The following DNAH10 variants were observed in gnomAD, a reference collection of about 807,000 sequenced individuals.
DNAH10 encodes the protein dynein axonemal heavy chain 10.
Under a neutral mutation model 506.6 loss-of-function variants are expected in DNAH10, and 348 were observed. The ratio of observed to expected loss-of-function variants is 0.69; its 90% CI spans 0.63 to 0.75. The LOEUF (loss-of-function observed/expected upper bound fraction) is 0.75. Among genes scored for constraint, DNAH10 ranks in the 30% least tolerant of loss-of-function variants. The pLI, the probability that DNAH10 is intolerant of heterozygous loss-of-function variation, is 0.00. For missense variants in DNAH10, 5,179 were observed against 5,787.1 expected (o/e 0.89, Z 3.41); for synonymous variants, 2,059 against 2,198.6 (o/e 0.94, Z 1.78).
rs148844278 is a variant in DNAH10 at position 123,881,722 on chromosome 12, G to A, written c.8732G>A (p.Arg2911His). Residue 2911 changes from arginine (R) to histidine (H), a missense_variant, in exon 51 of 79, where the codon CGC (arginine) becomes CAC (histidine). Around this residue, in one of 3 missense-constraint regions of DNAH10, gnomAD observed 4,844 missense variants for 5,430.5 expected, o/e 0.89. Transcript: ENST00000673944. ...TTAACCCGGGTGCACCGTATCATCC[G>A]CATGGACCGCGGCCACGCCCTGCTG... is the stretch of plus-strand genomic sequence containing the variant. Reference protein sequence around the residue: ...EHLTRVHRIIRMDRGHALLVG... With the variant: ...EHLTRVHRIIHMDRGHALLVG... 4.7e-4 allele frequency: 731 copies of A among 1,548,612 alleles called. 5 individuals carry two copies. The East Asian group carries it at 0.016, about 33-fold the overall frequency.
chr12:123,897,771 G>C lies in DNAH10; in HGVS notation c.9282G>C (p.Gly3094=). Reference sequence around the variant, plus strand: ...CATTTTTTATTCCTTCCTCTTCAGGGTATAATCCAATGATCCCGGCAGAAA... The same window carrying C: ...CATTTTTTATTCCTTCCTCTTCAGGCTATAATCCAATGATCCCGGCAGAAA... ...ALHAVAKSFL[G]YNPMIPAENI... is the part of the protein sequence containing the mutation. Residue 3094 remains glycine (G), a splice_region_variant and synonymous_variant, in exon 55 of 79, where the codon GGG becomes GGC. Coordinates refer to ENST00000673944, the MANE Select transcript of DNAH10 (RefSeq NM_001372106.1). 1 of 1,606,306 alleles carries C rather than the reference G, an allele frequency of 6.2e-7. No homozygotes were observed. Among genetic ancestry groups the C allele is most frequent in the Non-Finnish European group, 8.5e-7 (1 of 1,178,122 alleles).
chr12:123,905,944 G>C (rs934012455), intron 57 of DNAH10, among the ~76,000 whole-genome samples: 1 of 151,654 alleles, frequency 6.6e-6, no homozygotes, highest in Non-Finnish European at 1.5e-5. Context: ...TTGAGACAGA[G>C]TCTTGCTCAG....
chr12:123,800,785 G>A (rs1165095569), intron 15 of DNAH10, among the ~76,000 whole-genome samples: 3 of 152,092 alleles, frequency 2.0e-5, no homozygotes, highest in Admixed American at 6.5e-5. Context: ...TTGGGAGGCC[G>A]AGGCGGGCAG....
Position 123,785,838 on chromosome 12 carries a change from C to G in DNAH10, c.1323C>G (p.His441Gln). ...ALRMVWIISR[H>Q]YNKDERMIPL... ...GGATGGTGTGGATCATCTCCCGACA[C>G]TACAACAAAGACGAGAGGATGATTC... Residue 441 changes from histidine to glutamine, a missense_variant, in exon 9 of 79, where the codon CAC becomes CAG. Around this residue, in one of 3 missense-constraint regions of DNAH10, gnomAD observed 4,844 missense variants for 5,430.5 expected, o/e 0.89. Coordinates refer to ENST00000673944, the MANE Select transcript of DNAH10 (RefSeq NM_001372106.1). The surrounding 1 kb of genome is among the most constrained non-coding windows in gnomAD (Gnocchi z 4.1). The G allele has an allele frequency of 6.2e-7, 1 of 1,614,150 alleles. No homozygotes were observed. Among genetic ancestry groups the G allele is most frequent in the African/African-American group, 1.3e-5 (1 of 75,014 alleles).
At chr12:123,891,387 G>A (rs997882192) in intron 52 of DNAH10, among the ~76,000 whole-genome samples, 4 of 152,228 alleles carry the variant, frequency 2.6e-5, no homozygotes, top group East Asian at 3.9e-4. Context: ...TTTTCAGGGC[G>A]ACATGCAACT....
chr12:123,770,445 G>C (rs976382899), intron 2 of DNAH10, among the ~76,000 whole-genome samples: 6 of 149,896 alleles, frequency 4.0e-5, no homozygotes. Flanking sequence ...ATTAGCAATG[G>C]ACTACAGGCT....
chr12:123,819,902 A>C (rs973561016), intron 23 of DNAH10, among the ~76,000 whole-genome samples: 1 of 151,728 alleles, frequency 6.6e-6, no homozygotes, highest in African/African-American at 2.4e-5. Context: ...ACAGGGTTTC[A>C]CCATGTTGGC....
chr12:123,853,224 A>ATAAG lies in DNAH10; in HGVS notation c.6310_6311insTAAG (p.Thr2104IlefsTer6). On this transcript the variant is annotated frameshift_variant, in exon 36 of 79. Transcript: ENST00000673944. LOFTEE classifies it high-confidence loss of function. This position sits in a 1 kb window ranked among gnomAD's most constrained non-coding sequence, Gnocchi z 4.7. ...CAAAAAGACTCTGGCGAAAAAGATG[A>ATAAG]CGGTTCTGTATAAGCTGGCCCGGGA... is the stretch of plus-strand genomic sequence containing the variant. 2 of 1,605,406 alleles carry ATAAG rather than the reference A, an allele frequency of 1.2e-6. No individual in the cohort carries two copies. The highest frequency in any genetic ancestry group is 1.7e-6 in the Non-Finnish European group (2 of 1,175,858).
At chr12:123,899,613 A>G (rs1425081644) in intron 56 of DNAH10, among the ~76,000 whole-genome samples, 1 of 152,214 alleles carries the variant, frequency 6.6e-6, no homozygotes, top group Non-Finnish European at 1.5e-5. Flanking sequence ...AGTGCCTGCC[A>G]TCAGGATGGG....
intron 21 of DNAH10, among the ~76,000 whole-genome samples, chr12:123,816,496 C>T (rs1959147888): frequency 6.6e-6 from 1 of 152,188 alleles, no homozygotes; most frequent in South Asian, 2.1e-4. Flanking sequence ...GTGGTGTGCT[C>T]AGAGAAGGCG....
rs755011165 is a variant in DNAH10 at position 123,925,250 on chromosome 12, T to G, written c.11921+46T>G. The G allele has an allele frequency of 5.0e-6, 8 of 1,611,276 alleles. No individual in the cohort carries two copies. The Middle Eastern group carries it at 5.1e-4, about 102-fold the overall frequency. On this transcript the variant is annotated intron_variant, in intron 68 of 78. Coordinates refer to ENST00000673944, the MANE Select transcript of DNAH10 (RefSeq NM_001372106.1). This position sits in a 1 kb window ranked among gnomAD's most constrained non-coding sequence, Gnocchi z 4.0. ...ATTTGCCACTTTCCGTGGGGTGGAA[T>G]CTCTAGCGTCCTCCCACCTTGGACT...
At chr12:123,857,308 T>C in intron 37 of DNAH10, 61 bp downstream of exon 37, 1 of 1,418,472 alleles carries the variant, frequency 7.0e-7, no homozygotes, top group Non-Finnish European at 9.4e-7. Context: ...TTTTTGTTTT[T>C]GCAGTTCTTT....
rs11372935 is a variant in DNAH10 at position 123,932,480 on chromosome 12, A to ATTTT, written c.13296+385_13296+388dup. The ATTTT allele has an allele frequency of 6.5e-3, 998 of 153,440 alleles. 9 individuals are homozygous for ATTTT. Among genetic ancestry groups the ATTTT allele is most frequent in the African/African-American group, 0.024 (908 of 38,262 alleles). 9.5% of individuals were successfully genotyped at this position (153,440 alleles called of 1,614,324 possible). On this transcript the variant is annotated intron_variant, in intron 76 of 78. Coordinates refer to ENST00000673944, the MANE Select transcript of DNAH10 (RefSeq NM_001372106.1). ...AACTGCCTACATTTCGGTGGTTACC[A>ATTTT]TTTTTTTTTTTTTTTTGCTAATACA...
At chr12:123,772,982 G>T (rs771062558) in intron 4 of DNAH10, 40 bp downstream of exon 4, 9 of 1,433,286 alleles carry the variant, frequency 6.3e-6, no homozygotes, top group Middle Eastern at 3.5e-4. Flanking sequence ...GTGTTGAGGG[G>T]GTGTGGTTGT....
At chr12:123,766,030 A>G (rs1187209981) in intron 1 of DNAH10, among the ~76,000 whole-genome samples, 1 of 151,928 alleles carries the variant, frequency 6.6e-6, no homozygotes, top group African/African-American at 2.4e-5. Context: ...CTATACATCT[A>G]TCTCTGTCTA....
chr12:123,779,870 T>C (rs915781175), intron 5 of DNAH10, among the ~76,000 whole-genome samples: 2 of 152,120 alleles, frequency 1.3e-5, no homozygotes, highest in Non-Finnish European at 2.9e-5. Context: ...TTAAGAAATA[T>C]AGACAAAACT....
At chr12:123,835,374 C>T in intron 27 of DNAH10, 32 bp from the exon 28 acceptor site, 1 of 1,609,264 alleles carries the variant, frequency 6.2e-7, no homozygotes, top group Admixed American at 1.7e-5. Context: ...TCTGATAACC[C>T]CTGCTGACAC....
At chr12:123,858,835 A>C (rs1237792960) in intron 37 of DNAH10, among the ~76,000 whole-genome samples, 5 of 152,178 alleles carry the variant, frequency 3.3e-5, no homozygotes, top group African/African-American at 7.2e-5. Flanking sequence ...GTGAGAGATC[A>C]CACATTCTAG....
intron 24 of DNAH10, among the ~76,000 whole-genome samples, chr12:123,822,377 C>T (rs1959501294): frequency 6.6e-6 from 1 of 151,978 alleles, no homozygotes; most frequent in Non-Finnish European, 1.5e-5. Context: ...CATGTTTGCC[C>T]GTTCCTGCCC....
Sources: gnomAD v4.1 joint callset for allele counts (sites outside exome capture counted in the v4.1 genomes callset) on GRCh38, gnomAD v4.1.1 for gene constraint, gnomAD v4.1.1 regional missense constraint, Gnocchi (gnomAD v3.1) non-coding constraint, MANE v1.5 for transcripts, NCBI Gene and HGNC (gene_info 2026-07-23, HGNC 2026-07-21) for gene names.